The following DHRSX variants were observed in gnomAD, a reference collection of about 807,000 sequenced individuals.
DHRSX encodes polyprenol dehydrogenase.
DHRSX carries 31 observed loss-of-function variants against 34.0 expected under a neutral mutation model. That is an observed-to-expected ratio of 0.91 (90% CI 0.69 to 1.23). The LOEUF is 1.23. Ranked by LOEUF, DHRSX falls within the 50% of genes most tolerant of loss-of-function variation. DHRSX has a pLI of 0.00. For missense variants in DHRSX, 414 were observed against 428.1 expected (o/e 0.97, Z 0.29); for synonymous variants, 201 against 183.8 (o/e 1.09, Z -0.76).
At chrX:2,230,047 G>A (rs777844155) in intron 6 of DHRSX, among the ~76,000 whole-genome samples, 21 of 152,286 alleles carry the variant, frequency 1.4e-4, no homozygotes, top group African/African-American at 3.9e-4. Flanking sequence ...GTGGATATAC[G>A]CATGTCTGTG....
At chrX:2,360,664 A>T (rs1163450878) in intron 3 of DHRSX, among the ~76,000 whole-genome samples, 6 of 152,016 alleles carry the variant, frequency 3.9e-5, no homozygotes, top group Non-Finnish European at 8.8e-5. Flanking sequence ...AAGGGTTATT[A>T]ATCTAGGATG....
chrX:2,253,800 C>T lies in DHRSX; in HGVS notation c.597-10570G>A, dbSNP rs188186395. On this transcript the variant is annotated intron_variant, in intron 5 of 6. Transcript: ENST00000334651. ...ATAAGACCGGGCGCGGTGGCTCACG[C>T]CTGTAATCCCAGCACTTTGGGAGGC... Among the ~76,000 whole-genome samples the T allele has an allele frequency of 2.3e-4, 35 of 152,316 alleles. No individual in the cohort carries two copies. In the East Asian group the frequency reaches 6.7e-3, roughly 29 times the overall value.
intron 1 of DHRSX, among the ~76,000 whole-genome samples, chrX:2,485,029 C>A (rs1342408192): frequency 4.6e-5 from 7 of 152,152 alleles, no homozygotes; most frequent in Non-Finnish European, 7.3e-5. Context: ...GAAAACAGTT[C>A]GAAGCAGGCA....
chrX:2,488,569 A>G, intron 1 of DHRSX: 1 of 1,513,796 alleles, frequency 6.6e-7, no homozygotes, highest in Non-Finnish European at 8.8e-7. Context: ...TGACCGGGTA[A>G]GTATTTACAG....
intron 3 of DHRSX, among the ~76,000 whole-genome samples, chrX:2,330,677 A>G (rs2042459042): frequency 1.6e-5 from 2 of 124,878 alleles, no homozygotes; most frequent in African/African-American, 8.3e-5. Context: ...AAGGAGAAGG[A>G]GGAGGAGAAG....
chrX:2,406,090 G>A (rs1230552683), intron 3 of DHRSX, among the ~76,000 whole-genome samples: 3 of 151,982 alleles, frequency 2.0e-5, no homozygotes, highest in Non-Finnish European at 4.4e-5. Context: ...TCAGGAGTTC[G>A]AGACCAGCCT....
chrX:2,477,096 T>G (rs2044691736), intron 1 of DHRSX, among the ~76,000 whole-genome samples: 1 of 152,208 alleles, frequency 6.6e-6, no homozygotes, highest in Non-Finnish European at 1.5e-5. Flanking sequence ...ATTAGGGTAG[T>G]GTCTTAGGAA....
At chrX:2,250,503 G>A (rs896046443) in intron 5 of DHRSX, among the ~76,000 whole-genome samples, 1 of 152,090 alleles carries the variant, frequency 6.6e-6, no homozygotes, top group Non-Finnish European at 1.5e-5. Context: ...TGGGACAGGG[G>A]TGACCAATTC....
chrX:2,492,196 T>C (rs1327654381), intron 1 of DHRSX, among the ~76,000 whole-genome samples: 1 of 152,208 alleles, frequency 6.6e-6, no homozygotes, highest in Non-Finnish European at 1.5e-5. Flanking sequence ...AAAGGGTCTT[T>C]GCAGATGTAT....
chrX:2,310,335 G>T (rs188367061), intron 3 of DHRSX, among the ~76,000 whole-genome samples: 11 of 152,144 alleles, frequency 7.2e-5, no homozygotes, highest in Admixed American at 2.0e-4. Context: ...AGGGCAGATT[G>T]GTTGTCACCC....
At chrX:2,483,376 A>C (rs979159334) in intron 1 of DHRSX, among the ~76,000 whole-genome samples, 23 of 152,064 alleles carry the variant, frequency 1.5e-4, no homozygotes, top group African/African-American at 5.3e-4. Context: ...TGATCCTCCC[A>C]CCTTCGCCTC....
chrX:2,390,651 A>G (rs1302515443), intron 3 of DHRSX, among the ~76,000 whole-genome samples: 1 of 152,070 alleles, frequency 6.6e-6, no homozygotes, highest in Non-Finnish European at 1.5e-5. Flanking sequence ...TCCTCGCCCA[A>G]CCCCTATAAC....
chrX:2,480,919 T>A (rs758247660), intron 1 of DHRSX, among the ~76,000 whole-genome samples: 1 of 152,184 alleles, frequency 6.6e-6, no homozygotes, highest in Non-Finnish European at 1.5e-5. Flanking sequence ...TAATAATACA[T>A]TGCGTTTTTC....
intron 3 of DHRSX, among the ~76,000 whole-genome samples, chrX:2,299,342 T>C (rs925815084): frequency 2.0e-5 from 3 of 152,106 alleles, no homozygotes; most frequent in Admixed American, 6.6e-5. Flanking sequence ...CAGTATCATA[T>C]GAAGACAGGA....
intron 6 of DHRSX, among the ~76,000 whole-genome samples, chrX:2,231,426 CCTTT>C (rs1569477277): frequency 2.0e-5 from 3 of 151,890 alleles, no homozygotes; most frequent in Admixed American, 6.6e-5. Flanking sequence ...GCTTCCTCTT[CCTTT>C]TTCTCTTTTT....
At chrX:2,302,839 A>G (rs2042029558) in intron 3 of DHRSX, among the ~76,000 whole-genome samples, 1 of 152,204 alleles carries the variant, frequency 6.6e-6, no homozygotes, top group Admixed American at 6.5e-5. Flanking sequence ...TCTAGTTTCC[A>G]TGTTTCTTAA....
chrX:2,306,596 A>G (rs73185784), intron 3 of DHRSX, among the ~76,000 whole-genome samples: 64,558 of 151,400 alleles, frequency 0.43, 14,427 homozygotes, highest in Middle Eastern at 0.55. Context: ...GGGATTACAG[A>G]CGCGCACCAC....
chrX:2,236,441 CTTTTTT>C (rs1237877629), intron 6 of DHRSX, among the ~76,000 whole-genome samples: 3 of 151,814 alleles, frequency 2.0e-5, no homozygotes, highest in Non-Finnish European at 4.4e-5. Context: ...CTTATTTTTT[CTTTTTT>C]TGAGATGGAG....
intron 5 of DHRSX, 106 bp downstream of exon 5, chrX:2,266,634 C>T: frequency 8.7e-7 from 1 of 1,142,942 alleles, no homozygotes; most frequent in Non-Finnish European, 1.3e-6. Context: ...CCCAGAGCAC[C>T]AGCGTCCAGC....
Sources: gnomAD v4.1 joint callset for allele counts (sites outside exome capture counted in the v4.1 genomes callset) on GRCh38, gnomAD v4.1.1 for gene constraint, MANE v1.5 for transcripts, NCBI Gene and HGNC (gene_info 2026-07-23, HGNC 2026-07-21) for gene names.